The following PAN3 variants were observed in gnomAD, a reference collection of about 807,000 sequenced individuals.
PAN3 encodes PAN2-PAN3 deadenylation complex subunit PAN3.
In PAN3, 19 loss-of-function variants were observed where a neutral mutation model predicts 96.2. That is an observed-to-expected ratio of 0.20 (90% CI 0.14 to 0.29). The LOEUF is 0.29. Among genes scored for constraint, PAN3 ranks in the 10% least tolerant of loss-of-function variants. The probability of loss-of-function intolerance (pLI) is 1.00; values close to 1 mark genes in which losing one functional copy is unlikely to be tolerated. For synonymous variants in PAN3, 433 were observed against 406.6 expected, an observed-to-expected ratio of 1.06 and a Z score of -0.78; for missense variants, 882 against 1,108.1, an observed-to-expected ratio of 0.80 and a Z score of 2.90.
At chr13:28,272,339 G>C (rs1886690181) in intron 14 of PAN3, 1 of 229,490 alleles carries the variant, frequency 4.4e-6, no homozygotes, top group African/African-American at 2.3e-5. Flanking sequence ...GGTGCTGTCA[G>C]CTCACTGCAG....
At chr13:28,159,905 C>T (rs1194017960) in intron 1 of PAN3, among the ~76,000 whole-genome samples, 1 of 151,952 alleles carries the variant, frequency 6.6e-6, no homozygotes, top group Admixed American at 6.6e-5. Flanking sequence ...CATGTATACC[C>T]CTGAAACTGA....
At chr13:28,282,474 T>C (rs1232091413) in intron 17 of PAN3, among the ~76,000 whole-genome samples, 2 of 152,188 alleles carry the variant, frequency 1.3e-5, no homozygotes, top group African/African-American at 4.8e-5. Context: ...TTTAATAAAC[T>C]TTTAGCTGTT....
chr13:28,171,086 A>T (rs1593403268), intron 1 of PAN3, among the ~76,000 whole-genome samples: 1 of 152,144 alleles, frequency 6.6e-6, no homozygotes, highest in Admixed American at 6.5e-5. Context: ...GTGAGCCACC[A>T]TGCCTGGCCA....
chr13:28,152,265 A>G (rs1361736786), intron 1 of PAN3, among the ~76,000 whole-genome samples: 1 of 152,164 alleles, frequency 6.6e-6, no homozygotes, highest in African/African-American at 2.4e-5. Flanking sequence ...TCCTCTCTCT[A>G]TCCCCTGCTA....
intron 3 of PAN3, 149 bp downstream of exon 3, chr13:28,176,708 TTG>T: frequency 2.5e-6 from 2 of 798,770 alleles, no homozygotes; most frequent in Non-Finnish European, 3.9e-6. Flanking sequence ...GATCTAACTA[TTG>T]AGATTTAGAT....
intron 12 of PAN3, among the ~76,000 whole-genome samples, chr13:28,270,268 G>T (rs1193964513): frequency 1.3e-5 from 2 of 152,142 alleles, no homozygotes; most frequent in Non-Finnish European, 2.9e-5. Context: ...ATAAGTGATG[G>T]TAGAGACTTT....
At chr13:28,194,121 C>A (rs574090804) in intron 4 of PAN3, among the ~76,000 whole-genome samples, 1 of 150,426 alleles carries the variant, frequency 6.6e-6, no homozygotes, top group African/African-American at 2.4e-5. Flanking sequence ...GATACCACTG[C>A]GCTCCAGCCT....
chr13:28,160,690 CTT>C (rs1488872228), intron 1 of PAN3, among the ~76,000 whole-genome samples: 1 of 152,110 alleles, frequency 6.6e-6, no homozygotes, highest in African/African-American at 2.4e-5. Flanking sequence ...ATAAGTAACA[CTT>C]GGTATTATTT....
At chr13:28,140,473 T>C (rs1869589652) in intron 1 of PAN3, among the ~76,000 whole-genome samples, 1 of 152,240 alleles carries the variant, frequency 6.6e-6, no homozygotes, top group Non-Finnish European at 1.5e-5. Context: ...TTAAACACTG[T>C]TAATGAACCT....
At chr13:28,149,928 C>G (rs1275861195) in intron 1 of PAN3, among the ~76,000 whole-genome samples, 1 of 152,150 alleles carries the variant, frequency 6.6e-6, no homozygotes, top group Non-Finnish European at 1.5e-5. Flanking sequence ...AGCCTACATT[C>G]TTTATATAGA....
intron 6 of PAN3, among the ~76,000 whole-genome samples, chr13:28,249,189 G>A (rs1884483150): frequency 6.6e-6 from 1 of 152,044 alleles, no homozygotes; most frequent in Non-Finnish European, 1.5e-5. Context: ...TGCTCCACTG[G>A]CAATACTTGT....
chr13:28,276,228 T>C (rs1593620464), intron 14 of PAN3, among the ~76,000 whole-genome samples: 4 of 152,352 alleles, frequency 2.6e-5, no homozygotes, highest in African/African-American at 9.6e-5. Flanking sequence ...TCTCAAGTGA[T>C]GGTAATATAC....
chr13:28,164,796 G>A (rs934032471), intron 1 of PAN3, among the ~76,000 whole-genome samples: 5 of 152,132 alleles, frequency 3.3e-5, no homozygotes, highest in South Asian at 2.1e-4. Flanking sequence ...TCATTAAGAG[G>A]GGTTAAGTCT....
chr13:28,167,976 G>T (rs772359019), intron 1 of PAN3, among the ~76,000 whole-genome samples: 1 of 152,170 alleles, frequency 6.6e-6, no homozygotes, highest in Non-Finnish European at 1.5e-5. Flanking sequence ...TCCCTTGAAA[G>T]TTTGCCTCAC....
intron 1 of PAN3, among the ~76,000 whole-genome samples, chr13:28,151,285 G>A (rs912716616): frequency 6.6e-6 from 1 of 152,154 alleles, no homozygotes; most frequent in Non-Finnish European, 1.5e-5. Flanking sequence ...GGAGGCCGAG[G>A]TGGGCAGATC....
chr13:28,273,600 C>CAA (rs34103436), intron 14 of PAN3, among the ~76,000 whole-genome samples: 5 of 138,454 alleles, frequency 3.6e-5, no homozygotes, highest in South Asian at 2.3e-4. Flanking sequence ...GACTCCATCT[C>CAA]AAAAAAAAAA....
At chr13:28,164,032 G>C (rs1873222629) in intron 1 of PAN3, among the ~76,000 whole-genome samples, 1 of 152,138 alleles carries the variant, frequency 6.6e-6, no homozygotes, top group African/African-American at 2.4e-5. Context: ...GGCAGAGATT[G>C]CAGTGAGTTG....
chr13:28,291,690 G>T (rs1869766897), intron 18 of PAN3, among the ~76,000 whole-genome samples: 1 of 152,102 alleles, frequency 6.6e-6, no homozygotes, highest in Non-Finnish European at 1.5e-5. Flanking sequence ...TATTAGCTGG[G>T]CGTGGTGGCA....
At chr13:28,160,794 G>A (rs1872791030) in intron 1 of PAN3, among the ~76,000 whole-genome samples, 1 of 152,206 alleles carries the variant, frequency 6.6e-6, no homozygotes, top group African/African-American at 2.4e-5. Flanking sequence ...TTGCTGGAAA[G>A]TTAAGTACTT....
Sources: allele counts gnomAD v4.1 joint callset (sites outside exome capture counted in the v4.1 genomes callset), GRCh38; gene constraint gnomAD v4.1.1; transcripts MANE v1.5; gene names NCBI Gene and HGNC (gene_info 2026-07-23, HGNC 2026-07-21).